The following EYS variants were observed in gnomAD, a reference collection of about 807,000 sequenced individuals.
EYS encodes the protein EGF-like photoreceptor maintenance factor.
A neutral mutation model predicts 282.1 loss-of-function variants in EYS; 250 were observed. The observed-to-expected ratio is 0.89, with a 90% CI of 0.80 to 0.98. The LOEUF (loss-of-function observed/expected upper bound fraction) is 0.98. Ranked by LOEUF, EYS falls within the 50% of genes least tolerant of loss-of-function variation. EYS has a pLI of 0.00. For missense variants in EYS, 4,016 were observed against 3,709.0 expected (o/e 1.08, Z -2.15); for synonymous variants, 1,355 against 1,282.9 (o/e 1.06, Z -1.20).
chr6:63,731,844 G>C (rs1768790947), intron 41 of EYS, among the ~76,000 whole-genome samples: 1 of 152,090 alleles, frequency 6.6e-6, no homozygotes, highest in African/African-American at 2.4e-5. Context: ...CCCTCTTGAG[G>C]AAGTGTTTGT....
chr6:64,794,170 G>A (rs1562195176), intron 22 of EYS, among the ~76,000 whole-genome samples: 1 of 152,128 alleles, frequency 6.6e-6, no homozygotes, highest in South Asian at 2.1e-4. Flanking sequence ...ACATATGGCA[G>A]CTATCCCACT....
At chr6:65,298,088 T>C (rs1042304615) in intron 11 of EYS, among the ~76,000 whole-genome samples, 3 of 152,022 alleles carry the variant, frequency 2.0e-5, no homozygotes, top group Admixed American at 6.6e-5. Flanking sequence ...GAACAGGATA[T>C]CCTGTACAAG....
intron 12 of EYS, among the ~76,000 whole-genome samples, chr6:65,215,080 A>G (rs1005134524): frequency 6.6e-6 from 1 of 152,194 alleles, no homozygotes; most frequent in Non-Finnish European, 1.5e-5. Context: ...CCCTGCTAAC[A>G]TAACATTCAT....
intron 12 of EYS, among the ~76,000 whole-genome samples, chr6:65,237,476 G>T (rs1036790625): frequency 3.3e-5 from 5 of 152,118 alleles, no homozygotes; most frequent in African/African-American, 1.2e-4. Context: ...AGGGATTTGT[G>T]CCATTTAGGC....
At chr6:65,624,095 G>A (rs974366562) in intron 2 of EYS, among the ~76,000 whole-genome samples, 1 of 152,128 alleles carries the variant, frequency 6.6e-6, no homozygotes, top group African/African-American at 2.4e-5. Context: ...TCATATTACA[G>A]TTCAAGAATC....
At chr6:64,508,305 G>T (rs1777276382) in intron 26 of EYS, among the ~76,000 whole-genome samples, 1 of 126,398 alleles carries the variant, frequency 7.9e-6, no homozygotes, top group East Asian at 2.5e-4. Context: ...TCCGTTTAAA[G>T]CTAAATAAAA....
intron 35 of EYS, among the ~76,000 whole-genome samples, chr6:63,887,633 T>G (rs536918707): frequency 6.6e-6 from 1 of 152,218 alleles, no homozygotes; most frequent in Admixed American, 6.5e-5. Context: ...GCCCAAATAC[T>G]ACACTTTTCC....
In EYS at chr6:65,353,582, A is replaced by T; in HGVS notation, c.1335T>A (p.Cys445Ter). 3.1e-6 allele frequency: 5 copies of T among 1,613,220 alleles called. No homozygotes were observed. The highest frequency in any genetic ancestry group is 4.2e-6 in the Non-Finnish European group (5 of 1,179,402). Reference sequence around the variant, plus strand: ...TTAGGTAAACATTCTTCAAAAACCAACATGGATTTTTTGTGCACCCTGGAA... The same window carrying T: ...TTAGGTAAACATTCTTCAAAAACCATCATGGATTTTTTGTGCACCCTGGAA... The part of the protein sequence containing the change: ...VCIPGCTKNP[C>*]WFLKNVYLIH... Residue 445 changes from cysteine to a stop codon, truncating the protein, a stop_gained, in exon 9 of 43, where the codon TGT (cysteine) becomes TGA (stop). Coordinates refer to ENST00000503581, the MANE Select transcript of EYS (RefSeq NM_001142800.2). LOFTEE classifies it high-confidence loss of function.
In EYS at chr6:63,726,649, GC is replaced by G. The variant is rs2149631907; in HGVS notation, c.8102del (p.Ser2701ThrfsTer40). Reference protein sequence around the residue: ...ALSISDPSFRSNELSWMSFAS... With the variant: ...ALSISDPSFRXNELSWMSFAS... ...CAAAAGACATCCAGGATAACTCATT[GC>G]TTCTGAAAGATGGATCACTTATGGA... On this transcript the variant is annotated frameshift_variant, in exon 42 of 43. Coordinates refer to ENST00000503581, the MANE Select transcript of EYS (RefSeq NM_001142800.2). LOFTEE classifies it high-confidence loss of function. The G allele has an allele frequency of 6.4e-7, 1 of 1,551,248 alleles. No homozygotes were observed. Among genetic ancestry groups the G allele is most frequent in the East Asian group, 2.4e-5 (1 of 40,874 alleles).
At chr6:64,876,289 A>G (rs891852176) in intron 19 of EYS, among the ~76,000 whole-genome samples, 1 of 152,122 alleles carries the variant, frequency 6.6e-6, no homozygotes, top group Non-Finnish European at 1.5e-5. Context: ...AAAAGTCAGA[A>G]TTTTATTTCT....
chr6:64,133,785 A>G (rs1774068446), intron 31 of EYS, among the ~76,000 whole-genome samples: 1 of 151,766 alleles, frequency 6.6e-6, no homozygotes, highest in African/African-American at 2.4e-5. Flanking sequence ...AATAGCTCTT[A>G]TAAGAGGACT....
At chr6:65,687,222 A>G (rs891558192) in intron 1 of EYS, among the ~76,000 whole-genome samples, 1 of 152,106 alleles carries the variant, frequency 6.6e-6, no homozygotes, top group Non-Finnish European at 1.5e-5. Flanking sequence ...CTACTTAAAA[A>G]GAATACAGCA....
chr6:65,489,392 T>G (rs1765939656), intron 5 of EYS: 1 of 152,174 alleles, frequency 6.6e-6, no homozygotes, highest in South Asian at 2.1e-4. Context: ...TCATCACTGG[T>G]CATTAGAGAA....
At chr6:64,066,308 G>A (rs748734970) in intron 33 of EYS, 30 bp downstream of exon 33, 9 of 1,523,730 alleles carry the variant, frequency 5.9e-6, no homozygotes, top group African/African-American at 1.4e-5. Flanking sequence ...ATTTCAGCAC[G>A]AAAGAACTAC....
intron 35 of EYS, among the ~76,000 whole-genome samples, chr6:63,920,096 C>T (rs748121276): frequency 1.1e-4 from 16 of 151,622 alleles, no homozygotes; most frequent in African/African-American, 2.7e-4. Flanking sequence ...GTTTTAGTAA[C>T]GCACTTACAG....
At chr6:64,480,674 G>A (rs1341574082) in intron 26 of EYS, among the ~76,000 whole-genome samples, 2 of 151,836 alleles carry the variant, frequency 1.3e-5, no homozygotes, top group Non-Finnish European at 2.9e-5. Flanking sequence ...GTTGATAGCA[G>A]TAAACGTTAT....
intron 2 of EYS, among the ~76,000 whole-genome samples, chr6:65,596,363 A>G (rs1765404107): frequency 6.6e-6 from 1 of 152,122 alleles, no homozygotes; most frequent in East Asian, 1.9e-4. Context: ...GTTATGTGAT[A>G]TATGTGAATT....
intron 19 of EYS, among the ~76,000 whole-genome samples, chr6:64,864,922 G>A (rs9445429): frequency 6.6e-6 from 1 of 151,544 alleles, no homozygotes; most frequent in African/African-American, 2.4e-5. Context: ...TGTAATCCCA[G>A]CTATTCAGGA....
At chr6:65,318,638 A>G (rs554662889) in intron 11 of EYS, among the ~76,000 whole-genome samples, 22 of 147,648 alleles carry the variant, frequency 1.5e-4, no homozygotes, top group African/African-American at 5.2e-4. Flanking sequence ...TATAATTTAT[A>G]TATATAATAT....
Sources: allele counts gnomAD v4.1 joint callset (sites outside exome capture counted in the v4.1 genomes callset), GRCh38; gene constraint gnomAD v4.1.1; transcripts MANE v1.5; gene names NCBI Gene and HGNC (gene_info 2026-07-23, HGNC 2026-07-21).